ATG10: variants seen among roughly 807,000 people sequenced by gnomAD.
The protein encoded by ATG10 is autophagy related 10, also known as ubiquitin-like-conjugating enzyme ATG10.
Under a neutral mutation model 32.1 loss-of-function variants are expected in ATG10, and 30 were observed. That is an observed-to-expected ratio of 0.94 (90% CI 0.70 to 1.27). ATG10 has a LOEUF of 1.27. Among genes scored for constraint, ATG10 ranks in the 50% most tolerant of loss-of-function variants. The probability of loss-of-function intolerance (pLI) is 0.00; values close to 1 mark genes in which losing one functional copy is unlikely to be tolerated. For synonymous variants in ATG10, 87 were observed against 91.5 expected, an observed-to-expected ratio of 0.95 and a Z score of 0.28; for missense variants, 233 against 262.3, an observed-to-expected ratio of 0.89 and a Z score of 0.77.
rs184171775 is a variant in ATG10, at chr5:82,059,235, T to C, written c.216+633T>C. 6.6e-5 allele frequency among the ~76,000 whole-genome samples: 10 copies of C among 152,302 alleles called. No homozygotes were observed. In the East Asian group the frequency reaches 1.9e-3, roughly 29 times the overall value. On this transcript the variant is annotated intron_variant, in intron 3 of 7. Coordinates refer to ENST00000282185, the MANE Select transcript of ATG10 (RefSeq NM_031482.5). ...CTTTTTATCGAAATGCAAATAGCCT[T>C]ATTGTATTTCTTGTGAAAAAAATTG...
intron 5 of ATG10, chr5:82,242,765 A>T: frequency 2.4e-6 from 1 of 416,008 alleles, no homozygotes; most frequent in Non-Finnish European, 4.7e-6. Context: ...AATATAAAGC[A>T]TTCACAGGAT....
At chr5:82,124,442 C>T (rs752989929) in intron 3 of ATG10, among the ~76,000 whole-genome samples, 1 of 151,742 alleles carries the variant, frequency 6.6e-6, no homozygotes, top group African/African-American at 2.4e-5. Flanking sequence ...AATGTTATCC[C>T]TCCCATTGTC....
intron 3 of ATG10, among the ~76,000 whole-genome samples, chr5:82,138,868 T>A (rs953825890): frequency 5.3e-5 from 1 of 18,932 alleles, no homozygotes; most frequent in Non-Finnish European, 1.0e-4. Context: ...CCCCTCCCCC[T>A]CCCCCTCCCC....
intron 3 of ATG10, among the ~76,000 whole-genome samples, chr5:82,075,308 C>T (rs781060533): frequency 2.0e-5 from 3 of 152,090 alleles, no homozygotes; most frequent in Non-Finnish European, 4.4e-5. Context: ...AGAGGTTAGA[C>T]CAGAGTGTTT....
chr5:82,149,685 G>A (rs1435583664), intron 3 of ATG10, among the ~76,000 whole-genome samples: 1 of 151,278 alleles, frequency 6.6e-6, no homozygotes, highest in Admixed American at 6.6e-5. Context: ...TGAAAATCTT[G>A]GCTATGATTT....
chr5:82,063,027 T>C (rs889505291), intron 3 of ATG10, among the ~76,000 whole-genome samples: 5 of 152,184 alleles, frequency 3.3e-5, no homozygotes, highest in African/African-American at 9.7e-5. Context: ...CATTTTAAAA[T>C]ACCTCAGATG....
chr5:81,993,360 C>CTTCCTTCTTTCT (rs1761535147), intron 2 of ATG10, among the ~76,000 whole-genome samples: 1 of 46,798 alleles, frequency 2.1e-5, no homozygotes, highest in East Asian at 6.4e-4. Flanking sequence ...TCTTTCTTTC[C>CTTCCTTCTTTCT]TTCTTTTCTT....
At chr5:82,100,268 A>G (rs928033784) in intron 3 of ATG10, among the ~76,000 whole-genome samples, 1 of 151,944 alleles carries the variant, frequency 6.6e-6, no homozygotes, top group Admixed American at 6.6e-5. Flanking sequence ...CGGCCTCCCA[A>G]AGTGCTGGGA....
chr5:82,104,329 T>C (rs1561300292), intron 3 of ATG10, among the ~76,000 whole-genome samples: 1 of 152,166 alleles, frequency 6.6e-6, no homozygotes, highest in Non-Finnish European at 1.5e-5. Context: ...TGAAAGAGTT[T>C]GTTATCTTTC....
chr5:82,015,250 G>A (rs1762251211), intron 2 of ATG10, among the ~76,000 whole-genome samples: 1 of 152,160 alleles, frequency 6.6e-6, no homozygotes, highest in African/African-American at 2.4e-5. Flanking sequence ...CTGTCTGGCT[G>A]CCCTTAATAT....
intron 3 of ATG10, among the ~76,000 whole-genome samples, chr5:82,075,852 T>C (rs1358387132): frequency 6.6e-6 from 1 of 152,090 alleles, no homozygotes; most frequent in Non-Finnish European, 1.5e-5. Flanking sequence ...GGAGAATCAC[T>C]TGAACCTGGG....
At chr5:82,088,062 T>C (rs928809914) in intron 3 of ATG10, among the ~76,000 whole-genome samples, 9 of 152,184 alleles carry the variant, frequency 5.9e-5, no homozygotes, top group Non-Finnish European at 8.8e-5. Flanking sequence ...CTCATTTCAG[T>C]GGTGTTGCCC....
At chr5:82,148,330 A>G (rs1767449725) in intron 3 of ATG10, among the ~76,000 whole-genome samples, 1 of 152,206 alleles carries the variant, frequency 6.6e-6, no homozygotes, top group African/African-American at 2.4e-5. Context: ...CACAGGCACA[A>G]TAACATCATG....
At chr5:82,018,443 A>G (rs891074893) in intron 2 of ATG10, among the ~76,000 whole-genome samples, 2 of 152,164 alleles carry the variant, frequency 1.3e-5, no homozygotes, top group African/African-American at 4.8e-5. Flanking sequence ...TTCCTATGAC[A>G]TAACTCTTAA....
At chr5:82,247,924 C>A (rs1747097524) in intron 5 of ATG10, among the ~76,000 whole-genome samples, 1 of 152,052 alleles carries the variant, frequency 6.6e-6, no homozygotes, top group Non-Finnish European at 1.5e-5. Context: ...ATTTTTTAGA[C>A]TGCCTTCCTC....
intron 2 of ATG10, among the ~76,000 whole-genome samples, chr5:82,035,402 A>G (rs1561265872): frequency 6.6e-6 from 1 of 152,200 alleles, no homozygotes; most frequent in African/African-American, 2.4e-5. Flanking sequence ...TAAGTGCTCA[A>G]TAATATTTAT....
At chr5:82,244,421 T>C (rs1746936278) in intron 5 of ATG10, among the ~76,000 whole-genome samples, 1 of 152,118 alleles carries the variant, frequency 6.6e-6, no homozygotes, top group Non-Finnish European at 1.5e-5. Context: ...TTCTTTTAAG[T>C]GGCAATAATA....
At chr5:81,979,179 C>T (rs894743345) in intron 1 of ATG10, among the ~76,000 whole-genome samples, 2 of 151,506 alleles carry the variant, frequency 1.3e-5, no homozygotes, top group East Asian at 2.0e-4. Context: ...GGATTACAGG[C>T]GTGAGCCACG....
At chr5:82,123,385 G>A (rs1390990225) in intron 3 of ATG10, among the ~76,000 whole-genome samples, 5 of 152,052 alleles carry the variant, frequency 3.3e-5, no homozygotes, top group Non-Finnish European at 5.9e-5. Context: ...GGTGAAAAGA[G>A]GAAGAGGAGC....
Sources: allele counts gnomAD v4.1 joint callset (sites outside exome capture counted in the v4.1 genomes callset), GRCh38; gene constraint gnomAD v4.1.1; transcripts MANE v1.5; gene names NCBI Gene and HGNC (gene_info 2026-07-23, HGNC 2026-07-21).